Variants in LPP observed in about 807,000 individuals in gnomAD.
LPP encodes LIM domain containing preferred translocation partner in lipoma.
A neutral mutation model predicts 60.4 loss-of-function variants in LPP; 38 were observed. That is an observed-to-expected ratio of 0.63 (90% CI 0.49 to 0.83). The LOEUF is 0.83. Ranked by LOEUF, LPP falls within the 40% of genes least tolerant of loss-of-function variation. LPP has a pLI of 0.00. For missense variants in LPP, 902 were observed against 783.6 expected (o/e 1.15, Z -1.80); for synonymous variants, 328 against 290.8 (o/e 1.13, Z -1.30).
intron 6 of LPP, among the ~76,000 whole-genome samples, chr3:188,592,699 G>A (rs1560607708): frequency 2.0e-5 from 3 of 151,640 alleles, no homozygotes; most frequent in East Asian, 1.9e-4. Flanking sequence ...CCACCACCAC[G>A]CCTGGCTAAT....
chr3:188,202,844 G>A (rs1731463645), intron 1 of LPP, among the ~76,000 whole-genome samples: 1 of 152,008 alleles, frequency 6.6e-6, no homozygotes, highest in African/African-American at 2.4e-5. Flanking sequence ...GAGGGAAAAG[G>A]ATGTGTGGAT....
At chr3:188,686,458 T>G (rs1221417956) in intron 7 of LPP, among the ~76,000 whole-genome samples, 2 of 152,188 alleles carry the variant, frequency 1.3e-5, no homozygotes, top group Non-Finnish European at 2.9e-5. Flanking sequence ...ACTGGGTGGA[T>G]AGACCATACC....
At chr3:188,359,243 A>G (rs1768519674) in intron 3 of LPP, among the ~76,000 whole-genome samples, 1 of 152,192 alleles carries the variant, frequency 6.6e-6, no homozygotes, top group Admixed American at 6.5e-5. Flanking sequence ...GTTTGCCTAT[A>G]GAAATTGTTA....
chr3:188,592,557 G>GTTTTTTTGTTTTTTTTTTTTTTT (rs1553936333), intron 6 of LPP, among the ~76,000 whole-genome samples: 3 of 85,756 alleles, frequency 3.5e-5, no homozygotes, highest in Admixed American at 1.3e-4. Context: ...TTTTGTTTTT[G>GTTTTTTTGTTTTTTTTTTTTTTT]TTTTTTAAAT....
chr3:188,238,616 G>T (rs956580825), intron 2 of LPP, among the ~76,000 whole-genome samples: 23 of 152,160 alleles, frequency 1.5e-4, no homozygotes, highest in African/African-American at 5.3e-4. Context: ...CGTGGGAATG[G>T]CTGGTCAGTG....
chr3:188,462,612 G>A (rs1440670851), intron 4 of LPP, among the ~76,000 whole-genome samples: 4 of 129,066 alleles, frequency 3.1e-5, no homozygotes, highest in African/African-American at 8.2e-5. Flanking sequence ...GTGTGTGTGT[G>A]TGTGTGTGTG....
At chr3:188,373,526 T>A (rs1773943062) in intron 3 of LPP, among the ~76,000 whole-genome samples, 1 of 152,214 alleles carries the variant, frequency 6.6e-6, no homozygotes, top group African/African-American at 2.4e-5. Flanking sequence ...TGTCTGTTCA[T>A]GTCCTTCTCC....
At chr3:188,492,588 C>G (rs1385555050) in intron 5 of LPP, among the ~76,000 whole-genome samples, 3 of 152,008 alleles carry the variant, frequency 2.0e-5, no homozygotes, top group African/African-American at 4.8e-5. Flanking sequence ...CCCAGCTACT[C>G]CAGAGGCTGA....
At chr3:188,608,508 C>CTCTTT (rs1553941616) in intron 6 of LPP, among the ~76,000 whole-genome samples, 2 of 151,846 alleles carry the variant, frequency 1.3e-5, no homozygotes, top group African/African-American at 2.4e-5. Context: ...TTTCCGGGCT[C>CTCTTT]TCTGTTCTGT....
intron 8 of LPP, among the ~76,000 whole-genome samples, chr3:188,713,128 A>G (rs1046832579): frequency 1.3e-5 from 2 of 152,204 alleles, no homozygotes; most frequent in African/African-American, 2.4e-5. Context: ...GAAATTTAAC[A>G]TCCTCAATAA....
chr3:188,228,783 T>G (rs1250260335), intron 2 of LPP, among the ~76,000 whole-genome samples: 1 of 152,180 alleles, frequency 6.6e-6, no homozygotes, highest in Non-Finnish European at 1.5e-5. Context: ...TTCACCCTTA[T>G]TTTTTTGATC....
intron 9 of LPP, among the ~76,000 whole-genome samples, chr3:188,776,558 G>A (rs1359717274): frequency 1.3e-5 from 2 of 152,174 alleles, no homozygotes; most frequent in Non-Finnish European, 2.9e-5. Context: ...GTCTTCCTCT[G>A]ATGGCATCTT....
chr3:188,181,894 A>G (rs928686851), intron 1 of LPP, among the ~76,000 whole-genome samples: 10 of 152,182 alleles, frequency 6.6e-5, no homozygotes, highest in African/African-American at 1.9e-4. Context: ...GGCCATGTAC[A>G]TACTGTTTTG....
chr3:188,384,888 C>A (rs1427289140), intron 3 of LPP, among the ~76,000 whole-genome samples: 1 of 151,294 alleles, frequency 6.6e-6, no homozygotes. Flanking sequence ...AGAGGCATGC[C>A]CTATGTAGTA....
chr3:188,162,893 A>G (rs1157315180), intron 1 of LPP, among the ~76,000 whole-genome samples: 1 of 152,154 alleles, frequency 6.6e-6, no homozygotes, highest in Non-Finnish European at 1.5e-5. Context: ...GTGCTGTTTA[A>G]TACAGGGTGC....
At chr3:188,528,787 A>T (rs1202920650) in intron 6 of LPP, among the ~76,000 whole-genome samples, 4 of 152,122 alleles carry the variant, frequency 2.6e-5, no homozygotes, top group Admixed American at 2.0e-4. Context: ...GCTTGATTTT[A>T]AGTTCTAAAC....
At chr3:188,690,877 G>A (rs939580133) in intron 7 of LPP, among the ~76,000 whole-genome samples, 5 of 152,104 alleles carry the variant, frequency 3.3e-5, no homozygotes, top group Admixed American at 1.3e-4. Flanking sequence ...GTAGTTTTTA[G>A]AACATTCATC....
intron 2 of LPP, among the ~76,000 whole-genome samples, chr3:188,241,534 T>G (rs967209335): frequency 1.3e-5 from 2 of 152,358 alleles, no homozygotes; most frequent in Non-Finnish European, 1.5e-5. Context: ...TTGAAGCTAA[T>G]TTGTTTCCTG....
chr3:188,653,046 C>A (rs1167794152), intron 7 of LPP, among the ~76,000 whole-genome samples: 7 of 152,202 alleles, frequency 4.6e-5, no homozygotes, highest in African/African-American at 1.7e-4. Context: ...GATTCCACTG[C>A]CAATTCTTGC....
Sources: gnomAD v4.1 joint callset for allele counts (sites outside exome capture counted in the v4.1 genomes callset) on GRCh38, gnomAD v4.1.1 for gene constraint, MANE v1.5 for transcripts, NCBI Gene and HGNC (gene_info 2026-07-23, HGNC 2026-07-21) for gene names.